The following RANBP2 variants were observed in gnomAD, a reference collection of about 807,000 sequenced individuals.
RANBP2 encodes the protein RAN binding protein 2.
In RANBP2, 57 loss-of-function variants were observed where a neutral mutation model predicts 303.6. The observed-to-expected ratio is 0.19, with a 90% CI of 0.15 to 0.23. The LOEUF (loss-of-function observed/expected upper bound fraction) is 0.23, where lower values mean the gene tolerates loss of function less well. Ranked by LOEUF, RANBP2 falls within the 10% of genes least tolerant of loss-of-function variation. The pLI is 1.00. For missense variants in RANBP2, 3,138 were observed against 3,780.8 expected (o/e 0.83, Z 4.46); for synonymous variants, 1,167 against 1,301.5 (o/e 0.90, Z 2.23).
At chr2:109,662,547 A>G in the RANBP2 span, among the ~76,000 whole-genome samples, 4 of 151,644 alleles carry the variant, frequency 2.6e-5, no homozygotes, top group Non-Finnish European at 5.9e-5. Context: ...GCCTGGCTAA[A>G]TTTTATATTT....
the RANBP2 span, among the ~76,000 whole-genome samples, chr2:109,669,983 C>T: frequency 6.6e-6 from 1 of 151,982 alleles, no homozygotes; most frequent in Non-Finnish European, 1.5e-5. Context: ...ACCCCACCAC[C>T]TTTCTACCAC....
At chr2:109,076,378 C>A in the RANBP2 span, among the ~76,000 whole-genome samples, 1 of 150,400 alleles carries the variant, frequency 6.6e-6, no homozygotes, top group Non-Finnish European at 1.5e-5. Flanking sequence ...TTGGTCTCAC[C>A]ATGTCTATTC....
chr2:109,227,700 G>T, the RANBP2 span, among the ~76,000 whole-genome samples: 1 of 152,210 alleles, frequency 6.6e-6, no homozygotes, highest in Non-Finnish European at 1.5e-5. Context: ...GCAGGTCACA[G>T]GATCCACTTC....
At chr2:109,568,161 T>G in the RANBP2 span, among the ~76,000 whole-genome samples, 7 of 152,052 alleles carry the variant, frequency 4.6e-5, no homozygotes, top group African/African-American at 1.7e-4. Flanking sequence ...AACACTGCCA[T>G]GCCCATTTGC....
At chr2:109,709,413 T>C in the RANBP2 span, among the ~76,000 whole-genome samples, 2 of 152,056 alleles carry the variant, frequency 1.3e-5, no homozygotes, top group Non-Finnish European at 2.9e-5. Flanking sequence ...TGCTGCCTGC[T>C]CCTGGGAAGC....
the RANBP2 span, chr2:109,615,444 G>T: frequency 5.0e-6 from 8 of 1,613,050 alleles, no homozygotes; most frequent in Admixed American, 6.7e-5. Flanking sequence ...GGAGCTTCTG[G>T]CCATGCTAGT....
At chr2:108,995,504 G>A in the RANBP2 span, among the ~76,000 whole-genome samples, 6 of 152,202 alleles carry the variant, frequency 3.9e-5, no homozygotes, top group African/African-American at 1.4e-4. Context: ...GCAAAAGAAA[G>A]CCAAAATGGG....
At chr2:109,540,300 C>T in the RANBP2 span, among the ~76,000 whole-genome samples, 47 of 152,218 alleles carry the variant, frequency 3.1e-4, 1 homozygote, top group South Asian at 9.4e-3. Context: ...TTCTTCAAGT[C>T]TCCCATATCT....
the RANBP2 span, among the ~76,000 whole-genome samples, chr2:109,090,211 G>A: frequency 1.3e-5 from 2 of 151,780 alleles, no homozygotes; most frequent in African/African-American, 4.8e-5. Flanking sequence ...GCTGCCAATG[G>A]TACTCTGTCC....
At chr2:108,736,014 G>T (rs1695553150) in intron 5 of RANBP2, 90 bp from the exon 6 acceptor site, 3 of 1,609,752 alleles carry the variant, frequency 1.9e-6, no homozygotes, top group Admixed American at 1.7e-5. Flanking sequence ...AAATGTGGTT[G>T]GAGTGAGAAA....
At chr2:109,667,724 A>G in the RANBP2 span, 1 of 172,390 alleles carries the variant, frequency 5.8e-6, no homozygotes, top group Non-Finnish European at 1.3e-5. Flanking sequence ...CCTGGATGGG[A>G]GTGTGCGGTG....
the RANBP2 span, chr2:109,432,603 C>T: frequency 6.2e-7 from 1 of 1,613,394 alleles, no homozygotes; most frequent in Non-Finnish European, 8.5e-7. Flanking sequence ...ATGGCTGGTT[C>T]AAGGGGGCGT....
the RANBP2 span, among the ~76,000 whole-genome samples, chr2:109,672,332 T>C: frequency 1.3e-5 from 2 of 152,226 alleles, no homozygotes; most frequent in Non-Finnish European, 2.9e-5. Context: ...GGGTAATAAG[T>C]TCCACTTTAT....
At chr2:109,553,809 G>A in the RANBP2 span, among the ~76,000 whole-genome samples, 7 of 148,380 alleles carry the variant, frequency 4.7e-5, no homozygotes, top group Admixed American at 6.7e-5. Flanking sequence ...AGCCAAGATC[G>A]CGCCACTGCA....
At chr2:109,520,941 A>T in the RANBP2 span, among the ~76,000 whole-genome samples, 3 of 148,476 alleles carry the variant, frequency 2.0e-5, no homozygotes, top group Non-Finnish European at 4.5e-5. Flanking sequence ...ATCTCAAAAA[A>T]AAAAAAGGCC....
chr2:108,889,845 CCTTT>C, the RANBP2 span, among the ~76,000 whole-genome samples: 1 of 151,888 alleles, frequency 6.6e-6, no homozygotes, highest in African/African-American at 2.4e-5. Flanking sequence ...ATTCTTTGTT[CCTTT>C]CTTTTTCTCT....
At chr2:109,658,776 C>CA in the RANBP2 span, among the ~76,000 whole-genome samples, 1 of 151,708 alleles carries the variant, frequency 6.6e-6, no homozygotes, top group African/African-American at 2.4e-5. Flanking sequence ...ACTAAAGAAA[C>CA]AAAAAATTGG....
chr2:109,328,830 T>G, the RANBP2 span, among the ~76,000 whole-genome samples: 1 of 152,270 alleles, frequency 6.6e-6, no homozygotes, highest in Admixed American at 6.5e-5. Context: ...GAACACAGTG[T>G]TATCCAGAGG....
At chr2:109,225,805 G>C in the RANBP2 span, among the ~76,000 whole-genome samples, 1 of 152,138 alleles carries the variant, frequency 6.6e-6, no homozygotes, top group Non-Finnish European at 1.5e-5. Context: ...TCGCTCTGTT[G>C]CCCGGGCTGC....
Sources: gnomAD v4.1 joint callset for allele counts (sites outside exome capture counted in the v4.1 genomes callset) on GRCh38, gnomAD v4.1.1 for gene constraint, MANE v1.5 for transcripts, NCBI Gene and HGNC (gene_info 2026-07-23, HGNC 2026-07-21) for gene names.